The following ZC3H6 variants were observed in gnomAD, a reference collection of about 807,000 sequenced individuals.
ZC3H6 encodes the protein zinc finger CCCH-type containing 6, also known as zinc finger CCCH domain-containing protein 6.
Under a neutral mutation model 107.7 loss-of-function variants are expected in ZC3H6, and 40 were observed. The ratio of observed to expected loss-of-function variants is 0.37; its 90% CI spans 0.29 to 0.48. The LOEUF is 0.48. ZC3H6 is among the 20% of genes least tolerant of loss of function. The probability of loss-of-function intolerance (pLI) is 0.98; values close to 1 mark genes in which losing one functional copy is unlikely to be tolerated. For synonymous variants in ZC3H6, 493 were observed against 487.9 expected (o/e 1.01, Z -0.14); for missense variants, 1,267 against 1,410.4 (o/e 0.90, Z 1.63).
At chr2:112,317,628 A>G (rs1676725772) in intron 7 of ZC3H6, among the ~76,000 whole-genome samples, 1 of 152,220 alleles carries the variant, frequency 6.6e-6, no homozygotes, top group Non-Finnish European at 1.5e-5. Context: ...GTAGTTGGCA[A>G]AATACTTATT....
chr2:112,330,802 T>C (rs1248623482), intron 11 of ZC3H6, among the ~76,000 whole-genome samples: 1 of 152,160 alleles, frequency 6.6e-6, no homozygotes, highest in Non-Finnish European at 1.5e-5. Flanking sequence ...TGTTCCAGTA[T>C]TGAAATCTGG....
chr2:112,314,535 G>T (rs1332070281), intron 5 of ZC3H6, among the ~76,000 whole-genome samples: 1 of 151,906 alleles, frequency 6.6e-6, no homozygotes, highest in African/African-American at 2.4e-5. Context: ...TTAATGAAAC[G>T]CTAAGTACAA....
chr2:112,287,939 T>C (rs1336289799), intron 1 of ZC3H6, among the ~76,000 whole-genome samples: 2 of 152,236 alleles, frequency 1.3e-5, no homozygotes, highest in African/African-American at 4.8e-5. Flanking sequence ...GTAAATAAAA[T>C]ACATGGCATG....
chr2:112,339,333 GA>G lies in ZC3H6; in HGVS notation c.*6850del, dbSNP rs980701269. The G allele has an allele frequency of 1.3e-5, 2 of 152,126 alleles. No homozygotes were observed. The highest frequency in any genetic ancestry group is 1.3e-4 in the Admixed American group (2 of 15,284). The allele number at this position is 152,126 out of a possible 1,614,324, so 9.4% of individuals were successfully genotyped here. ...TTTGAGAGGGAAGTCACATATGATA[GA>G]AAAATATCTTTTCAAGGGTAGAATG... On this transcript the variant is annotated 3_prime_UTR_variant, in exon 12 of 12. Transcript: ENST00000409871.
intron 6 of ZC3H6, among the ~76,000 whole-genome samples, chr2:112,316,918 C>T (rs2104717157): frequency 6.6e-6 from 1 of 152,144 alleles, no homozygotes; most frequent in Admixed American, 6.5e-5. Flanking sequence ...ATTCATGGCA[C>T]CAAGAGGTTA....
In ZC3H6 at chr2:112,307,552, G is replaced by A. The variant is rs1156786489; in HGVS notation, c.337-2333G>A. On this transcript the variant is annotated intron_variant, in intron 3 of 11. Transcript: ENST00000409871. ...CTGCTAGACCCTCGCCCATGAGTGC[G>A]TTTTGTTCATCCCAATGATGACCAT... Among the ~76,000 whole-genome samples the A allele has an allele frequency of 3.3e-5, 5 of 152,056 alleles. No individual in the cohort carries two copies. The East Asian group carries it at 7.7e-4, about 23-fold the overall frequency.
intron 8 of ZC3H6, 59 bp downstream of exon 8, chr2:112,321,924 ATATTT>A: frequency 1.3e-6 from 1 of 747,558 alleles, no homozygotes; most frequent in Non-Finnish European, 2.1e-6. Context: ...GACTTGAATC[ATATTT>A]TATAAGTGAT....
At chr2:112,304,116 A>G (rs1432431135) in intron 3 of ZC3H6, among the ~76,000 whole-genome samples, 1 of 152,202 alleles carries the variant, frequency 6.6e-6, no homozygotes, top group African/African-American at 2.4e-5. Context: ...ATCCTTGCCA[A>G]CGTGTGTTTT....
chr2:112,322,737 C>G lies in ZC3H6; in HGVS notation c.1175C>G (p.Pro392Arg), dbSNP rs1371781116. 10 of 1,613,712 alleles carry G rather than the reference C, an allele frequency of 6.2e-6. No individual in the cohort carries two copies. In the Admixed American group the frequency reaches 1.7e-4, roughly 27 times the overall value. Residue 392 changes from proline (P) to arginine (R), a missense_variant, in exon 9 of 12, where the codon CCA (proline) becomes CGA (arginine). By Grantham distance (103) the Pro-to-Arg change is moderately radical. This residue lies in a region of ZC3H6 where 925 missense variants were observed against 1,025.7 expected (regional missense o/e 0.90). Transcript: ENST00000409871. ...RKRGITPLPK[P>R]PPGVGLLPTP... ...CGTGGCATAACTCCTCTTCCCAAAC[C>G]ACCTCCAGGGGTTGGGCTTCTGCCA...
At position 112,329,272 on chromosome 2, in the gene ZC3H6, TAAG is replaced by T. The variant is rs150064593; in HGVS notation, c.2087-1730_2087-1728del. Among the ~76,000 whole-genome samples, 429 of 152,252 alleles carry T rather than the reference TAAG, an allele frequency of 2.8e-3. 12 individuals carry two copies. The East Asian group carries it at 0.061, about 22-fold the overall frequency. On this transcript the variant is annotated intron_variant, in intron 11 of 11. Coordinates refer to ENST00000409871, the MANE Select transcript of ZC3H6 (RefSeq NM_198581.3). ...CTCTGTTACTATTTTCACTCTCATTTAAGAAAGATTTTAAGTATGCTTTATAAA... is the reference window on the plus strand; with the variant it reads ...CTCTGTTACTATTTTCACTCTCATTTAAAGATTTTAAGTATGCTTTATAAA...
At chr2:112,278,913 G>C (rs981450963) in intron 1 of ZC3H6, among the ~76,000 whole-genome samples, 9 of 152,030 alleles carry the variant, frequency 5.9e-5, no homozygotes, top group Admixed American at 3.9e-4. Flanking sequence ...GAGCCACCAC[G>C]CCTGGCCTTG....
At chr2:112,294,551 C>A (rs1391879898) in intron 1 of ZC3H6, among the ~76,000 whole-genome samples, 1 of 152,008 alleles carries the variant, frequency 6.6e-6, no homozygotes, top group Non-Finnish European at 1.5e-5. Context: ...ATCAGGAGTA[C>A]TTGTATAGTC....
chr2:112,328,914 GGGTA>G (rs1357335941), intron 11 of ZC3H6, among the ~76,000 whole-genome samples: 5 of 149,238 alleles, frequency 3.4e-5, no homozygotes, highest in African/African-American at 1.2e-4. Flanking sequence ...ACTCCAGCCT[GGGTA>G]ACAGAGCGAG....
intron 1 of ZC3H6, among the ~76,000 whole-genome samples, chr2:112,285,514 G>A (rs1480400736): frequency 2.6e-5 from 4 of 151,800 alleles, no homozygotes; most frequent in Non-Finnish European, 4.4e-5. Flanking sequence ...ACAACGCCAC[G>A]CCCGGCTAAT....
rs1342904620 is a variant in ZC3H6, at chr2:112,331,846, G to A, written c.2928G>A (p.Leu976=). 6.2e-7 allele frequency: 1 copy of A among 1,613,720 alleles called. No individual in the cohort carries two copies. The highest frequency in any genetic ancestry group is 8.5e-7 in the Non-Finnish European group (1 of 1,179,884). Residue 976 remains leucine (L), a synonymous_variant, in exon 12 of 12, where the codon CTG becomes CTA. Transcript: ENST00000409871. The stretch of plus-strand genomic sequence containing the variant: ...ATTTTGATCCTAGGCTTCACAGACT[G>A]CCCAATACAGAGTCTCATCAAGTGG... ...QKNFDPRLHR[L]PNTESHQVVM...
chr2:112,330,824 T>C (rs2104727027), intron 11 of ZC3H6, among the ~76,000 whole-genome samples, 181 bp from the exon 12 acceptor site: 1 of 152,236 alleles, frequency 6.6e-6, no homozygotes, highest in Non-Finnish European at 1.5e-5. Flanking sequence ...ATTTTTGTTA[T>C]GCATTTTCTT....
At chr2:112,294,981 T>C (rs774420345) in intron 1 of ZC3H6, among the ~76,000 whole-genome samples, 9 of 152,064 alleles carry the variant, frequency 5.9e-5, no homozygotes, top group Non-Finnish European at 1.0e-4. Context: ...AGATCACTGG[T>C]TTTTAGTATA....
intron 1 of ZC3H6, among the ~76,000 whole-genome samples, chr2:112,281,990 C>T (rs1207727321): frequency 2.0e-5 from 3 of 152,098 alleles, no homozygotes; most frequent in Non-Finnish European, 4.4e-5. Context: ...TCTGCCTATA[C>T]TGTTGTTTTT....
Position 112,275,865 on chromosome 2 carries a change from T to TA in ZC3H6, c.-129dup. On this transcript the variant is annotated 5_prime_UTR_variant, in exon 1 of 12. Coordinates refer to ENST00000409871, the MANE Select transcript of ZC3H6 (RefSeq NM_198581.3). ...TCGCTCACTAGTAACCGTGAGTTTT[T>TA]ACCACTTCGTCACCTGTCGGCGGCG... 1.5e-6 allele frequency: 1 copy of TA among 669,012 alleles called. No homozygotes were observed. The highest frequency in any genetic ancestry group is 4.3e-4 in the Middle Eastern group (1 of 2,348). The allele number at this position is 669,012 out of a possible 1,614,324, so 41.4% of individuals were successfully genotyped here.
Sources: allele counts gnomAD v4.1 joint callset (sites outside exome capture counted in the v4.1 genomes callset), GRCh38; gene constraint gnomAD v4.1.1; regional missense constraint gnomAD v4.1.1; transcripts MANE v1.5; gene names NCBI Gene and HGNC (gene_info 2026-07-23, HGNC 2026-07-21).